The following TYW1B variants were observed in gnomAD, a reference collection of about 807,000 sequenced individuals.
The protein encoded by TYW1B is tRNA-yW synthesizing protein 1 homolog B.
In TYW1B, 73 loss-of-function variants were observed where a neutral mutation model predicts 86.9. The ratio of observed to expected loss-of-function variants is 0.84; its 90% confidence interval spans 0.70 to 1.02. The LOEUF is 1.02. TYW1B is among the 50% of genes least tolerant of loss of function. The pLI is 0.00. For synonymous variants in TYW1B, 248 were observed against 292.8 expected (o/e 0.85, Z 1.56); for missense variants, 637 against 827.4 (o/e 0.77, Z 2.82).
chr7:72,603,926 C>T (rs2129568118), intron 13 of TYW1B, among the ~76,000 whole-genome samples: 1 of 152,146 alleles, frequency 6.6e-6, no homozygotes, highest in Admixed American at 6.5e-5. Flanking sequence ...GAACTGACAA[C>T]TAAATGTAAT....
intron 11 of TYW1B, among the ~76,000 whole-genome samples, chr7:72,644,584 A>G (rs1554441819): frequency 1.3e-5 from 2 of 152,072 alleles, no homozygotes; most frequent in South Asian, 2.1e-4. Context: ...AAAACAAATA[A>G]AAACAGACCC....
At chr7:72,654,910 A>G (rs1477933850) in intron 11 of TYW1B, among the ~76,000 whole-genome samples, 5 of 152,218 alleles carry the variant, frequency 3.3e-5, no homozygotes, top group African/African-American at 1.2e-4. Flanking sequence ...ATATTGGTTC[A>G]TAAATTGTAA....
At chr7:72,707,875 T>A (rs1363963600) in intron 10 of TYW1B, among the ~76,000 whole-genome samples, 2 of 152,236 alleles carry the variant, frequency 1.3e-5, no homozygotes, top group Non-Finnish European at 2.9e-5. Flanking sequence ...CCCCTTGCTG[T>A]TCTCGTGATA....
intron 3 of TYW1B, among the ~76,000 whole-genome samples, chr7:72,812,702 T>G (rs1384605781): frequency 3.6e-5 from 5 of 138,024 alleles, no homozygotes; most frequent in Non-Finnish European, 6.3e-5. Flanking sequence ...CCTTTTGGGG[T>G]TTTTTTTTTT....
At chr7:72,596,835 C>G (rs1563023497) in intron 13 of TYW1B, among the ~76,000 whole-genome samples, 1 of 151,744 alleles carries the variant, frequency 6.6e-6, no homozygotes, top group Non-Finnish European at 1.5e-5. Flanking sequence ...AGTAAAAAGG[C>G]AACTCAGAAA....
intron 13 of TYW1B, among the ~76,000 whole-genome samples, chr7:72,599,269 G>A (rs113173382): frequency 0.046 from 6,458 of 141,274 alleles, no homozygotes; most frequent in South Asian, 0.06. Context: ...ATATCAATAG[G>A]CTAAAGAAAA....
chr7:72,664,275 AT>A (rs1554444920), intron 11 of TYW1B, among the ~76,000 whole-genome samples: 2 of 151,334 alleles, frequency 1.3e-5, no homozygotes, highest in African/African-American at 4.9e-5. Context: ...AAATTAATTT[AT>A]TTTTTCTTTT....
At chr7:72,599,969 G>T (rs1357698852) in intron 13 of TYW1B, among the ~76,000 whole-genome samples, 1 of 152,118 alleles carries the variant, frequency 6.6e-6, no homozygotes, top group African/African-American at 2.4e-5. Context: ...TGTAGATTCA[G>T]GGCAATCCCA....
At chr7:72,604,934 T>C (rs1811758692) in intron 13 of TYW1B, among the ~76,000 whole-genome samples, 4 of 152,184 alleles carry the variant, frequency 2.6e-5, no homozygotes, top group South Asian at 4.1e-4. Context: ...TTCTATTACG[T>C]TGGTGCAAAA....
In TYW1B at chr7:72,744,717, A is replaced by G. The variant is rs1787365889; in HGVS notation, c.965-116T>C. On this transcript the variant is annotated intron_variant, in intron 7 of 13. Transcript: ENST00000620995. Reference sequence around the variant, plus strand: ...TTTCGTAACCATGAATACTCCTACTAGTATCTGCATGACGCAGGAAATTCG... The same window carrying G: ...TTTCGTAACCATGAATACTCCTACTGGTATCTGCATGACGCAGGAAATTCG... 16 of 1,205,286 alleles carry G rather than the reference A, an allele frequency of 1.3e-5. No homozygotes were observed. In the East Asian group the frequency reaches 2.7e-4, roughly 20 times the overall value. The allele number at this position is 1,205,286 out of a possible 1,614,324, so 74.7% of individuals were successfully genotyped here.
intron 6 of TYW1B, among the ~76,000 whole-genome samples, chr7:72,792,606 G>A (rs1212568402): frequency 3.3e-5 from 5 of 152,174 alleles, no homozygotes; most frequent in Non-Finnish European, 1.5e-5. Flanking sequence ...AACTCCCTTA[G>A]ATGCCGGAAT....
intron 11 of TYW1B, among the ~76,000 whole-genome samples, chr7:72,661,622 G>A (rs199766488): frequency 0.85 from 120,388 of 141,576 alleles, 51,153 homozygotes; most frequent in Middle Eastern, 0.88. Context: ...TGGTCCTTTT[G>A]CTAAATGAAC....
intron 11 of TYW1B, among the ~76,000 whole-genome samples, chr7:72,679,703 T>C (rs181271582): frequency 1.3e-5 from 2 of 152,118 alleles, no homozygotes; most frequent in Non-Finnish European, 2.9e-5. Context: ...TTTTTATTTT[T>C]AAAAAAATGG....
Position 72,590,511 on chromosome 7 carries a change from GTAC to G in TYW1B, c.1786-14795_1786-14793del. On this transcript the variant is annotated intron_variant, in intron 13 of 13. Transcript: ENST00000620995. ...TTTCTCTTTCCCACCTTTGGGAGGT[GTAC>G]ATTAAAGACTAAGACATTAAAAAAT... Among the ~76,000 whole-genome samples the G allele has an allele frequency of 2.0e-5, 3 of 152,204 alleles. No homozygotes were observed. In the Middle Eastern group the frequency reaches 0.01, roughly 518 times the overall value.
intron 13 of TYW1B, among the ~76,000 whole-genome samples, chr7:72,581,526 C>T (rs182497637): frequency 0.011 from 1,640 of 152,206 alleles, 29 homozygotes; most frequent in African/African-American, 0.035. Flanking sequence ...GGCGCAATCT[C>T]GGCTTCACTG....
At chr7:72,620,634 C>A (rs1366591687) in intron 12 of TYW1B, among the ~76,000 whole-genome samples, 2 of 152,230 alleles carry the variant, frequency 1.3e-5, no homozygotes, top group East Asian at 1.9e-4. Context: ...CTTCATCCTA[C>A]CCTCTAGTCT....
intron 8 of TYW1B, among the ~76,000 whole-genome samples, chr7:72,732,030 C>T (rs375988407): frequency 4.3e-4 from 65 of 151,936 alleles, no homozygotes; most frequent in African/African-American, 1.4e-3. Context: ...AACTGTAAAA[C>T]AACACCAAGG....
chr7:72,602,745 G>GACTGTAAGTTGAACC (rs1475115375), intron 13 of TYW1B, among the ~76,000 whole-genome samples: 2 of 151,912 alleles, frequency 1.3e-5, no homozygotes, highest in South Asian at 2.1e-4. Flanking sequence ...AAAGTCAAAA[G>GACTGTAAGTTGAACC]ACTGTAAGTT....
rs781801354 is a variant in TYW1B at position 72,807,353 on chromosome 7, C to A, written c.436G>T (p.Gly146Cys). 7 of 1,610,702 alleles carry A rather than the reference C, an allele frequency of 4.3e-6. No individual in the cohort carries two copies. The highest frequency in any genetic ancestry group is 1.7e-5 in the Admixed American group (1 of 59,900). Residue 146 changes from glycine to cysteine, a missense_variant, in exon 5 of 14, where the codon GGC (glycine) becomes TGC (cysteine). Coordinates refer to ENST00000620995, the MANE Select transcript of TYW1B (RefSeq NM_001145440.3). Reference protein sequence around the residue: ...SAYASHFNKVGKNVDKWLWML... With the variant: ...SAYASHFNKVCKNVDKWLWML... ...CAGAGCCACTTGTCAACATTTTTGC[C>A]AACCTGCGAGGAAAAGATAGATAGG...
Sources: gnomAD v4.1 joint callset for allele counts (sites outside exome capture counted in the v4.1 genomes callset) on GRCh38, gnomAD v4.1.1 for gene constraint, MANE v1.5 for transcripts, NCBI Gene and HGNC (gene_info 2026-07-23, HGNC 2026-07-21) for gene names.